The following SPDYE3 variants were observed in gnomAD, a reference collection of about 807,000 sequenced individuals.
SPDYE3 encodes the protein speedy protein E3.
A neutral mutation model predicts 55.0 loss-of-function variants in SPDYE3; 15 were observed. The observed-to-expected ratio is 0.27, with a 90% CI of 0.18 to 0.42. SPDYE3 has a LOEUF of 0.42. Among genes scored for constraint, SPDYE3 ranks in the 10% least tolerant of loss-of-function variants. SPDYE3 has a pLI of 1.00. For missense variants in SPDYE3, 236 were observed against 576.7 expected, an observed-to-expected ratio of 0.41 and a Z score of 6.05; for synonymous variants, 89 against 229.9, an observed-to-expected ratio of 0.39 and a Z score of 5.55.
In SPDYE3 at chr7:100,319,549, T is replaced by A. The variant is rs774250165; in HGVS notation, c.1347-16T>A. 1.3e-5 allele frequency: 21 copies of A among 1,614,034 alleles called. No individual in the cohort carries two copies. The African/African-American group carries it at 2.7e-4, about 21-fold the overall frequency. On this transcript the variant is annotated splice_polypyrimidine_tract_variant and intron_variant, in intron 8 of 10. Coordinates refer to ENST00000332397, the MANE Select transcript of SPDYE3 (RefSeq NM_001004351.5). ...CTGGTGGTGCCCCTGAGCAGCAACC[T>A]GATTTCTGTCCTCAGCTATCTGGCC...
intron 1 of SPDYE3, 79 bp downstream of exon 1, chr7:100,308,070 C>G: frequency 6.9e-7 from 1 of 1,453,742 alleles, no homozygotes; most frequent in Non-Finnish European, 9.1e-7. Context: ...TAGCTCACCC[C>G]TGTAACACCA....
intron 8 of SPDYE3, among the ~76,000 whole-genome samples, chr7:100,318,713 T>C (rs2129976946): frequency 8.5e-6 from 1 of 117,828 alleles, no homozygotes; most frequent in South Asian, 3.0e-4. Context: ...AAAATATCAA[T>C]GTATTCAATT....
At chr7:100,320,286 C>G in intron 10 of SPDYE3, 1 of 1,089,352 alleles carries the variant, frequency 9.2e-7, no homozygotes, top group South Asian at 1.7e-5. Flanking sequence ...CCACTGCACT[C>G]CAGCCGGGGC....
At chr7:100,315,900 G>T in intron 7 of SPDYE3, 57 bp downstream of exon 7, 2 of 1,596,668 alleles carry the variant, frequency 1.3e-6, no homozygotes, top group African/African-American at 1.3e-5. Flanking sequence ...CAGGGGGAGG[G>T]CGCAGCTTCC....
At chr7:100,320,697 G>C (rs1407720890) in intron 10 of SPDYE3, 194 bp from the exon 11 acceptor site, 3 of 1,078,716 alleles carry the variant, frequency 2.8e-6, no homozygotes, top group Non-Finnish European at 3.5e-6. Context: ...AAGTTTTGGA[G>C]TCAGGGTCAC....
chr7:100,308,059 G>A (rs1805866219), intron 1 of SPDYE3, 68 bp downstream of exon 1: 13 of 1,485,580 alleles, frequency 8.8e-6, no homozygotes, highest in Non-Finnish European at 1.2e-5. Flanking sequence ...GCCAGGTGCG[G>A]TAGCTCACCC....
intron 8 of SPDYE3, among the ~76,000 whole-genome samples, chr7:100,318,682 T>C (rs949960645): frequency 7.9e-5 from 12 of 151,528 alleles, no homozygotes; most frequent in African/African-American, 2.4e-4. Context: ...ACTAGATGCC[T>C]GTAGAAGGCA....
intron 8 of SPDYE3, among the ~76,000 whole-genome samples, chr7:100,318,863 G>C (rs1167005675): frequency 1.3e-5 from 2 of 151,082 alleles, no homozygotes; most frequent in African/African-American, 4.9e-5. Flanking sequence ...TCCGACTACA[G>C]GGCTGTGCCA....
chr7:100,320,880 C>T lies in SPDYE3; in HGVS notation c.*46-11C>T, dbSNP rs1789566370. ...CTCCTTGAGGTGTGACATTGTCTCTCTCACTTCCAGAACACCGGACCCAGG... is the reference window on the plus strand; with the variant it reads ...CTCCTTGAGGTGTGACATTGTCTCTTTCACTTCCAGAACACCGGACCCAGG... On this transcript the variant is annotated splice_polypyrimidine_tract_variant and intron_variant, in intron 10 of 10. Transcript: ENST00000332397. 5.7e-6 allele frequency: 7 copies of T among 1,221,734 alleles called. No individual in the cohort carries two copies. The Admixed American group carries it at 8.0e-5, about 14-fold the overall frequency. The allele number at this position is 1,221,734 out of a possible 1,614,324, so 75.7% of individuals were successfully genotyped here. A position where few individuals can be genotyped will look rare whatever the true frequency, so the allele number is the denominator to read the frequency against.
chr7:100,320,276 C>A, intron 10 of SPDYE3: 2 of 1,077,726 alleles, frequency 1.9e-6, no homozygotes, highest in South Asian at 3.3e-5. Flanking sequence ...CCTGATCCTG[C>A]CACTGCACTC....
At chr7:100,316,922 C>T (rs905498914) in intron 7 of SPDYE3, 148 bp from the exon 8 acceptor site, 14 of 1,064,626 alleles carry the variant, frequency 1.3e-5, no homozygotes, top group South Asian at 2.6e-5. Context: ...CCCTCCACCC[C>T]GCAATTTCCA....
Position 100,307,891 on chromosome 7 carries a change from G to C in SPDYE3, c.6G>C (p.Thr2=). The change falls in exon 1 of 11, where the codon ACG becomes ACC. Residue 2 remains threonine (T), a synonymous_variant. Transcript: ENST00000332397. ...GACAGATTTTGGGAAAGATCATGAC[G>C]AGCCATCAACCGCAGCCCCAGGAAG... M[T]SHQPQPQEEQ... The C allele has an allele frequency of 6.3e-7, 1 of 1,583,590 alleles. No individual in the cohort carries two copies. Among genetic ancestry groups the C allele is most frequent in the Non-Finnish European group, 8.5e-7 (1 of 1,173,236 alleles).
chr7:100,313,841 C>T (rs1220576628), intron 5 of SPDYE3, among the ~76,000 whole-genome samples: 4 of 21,962 alleles, frequency 1.8e-4, no homozygotes, highest in African/African-American at 8.1e-4. Flanking sequence ...GAGCCGAGAT[C>T]GTGCTACTGC....
intron 8 of SPDYE3, among the ~76,000 whole-genome samples, chr7:100,318,295 A>T (rs1237819405): frequency 2.6e-5 from 4 of 151,924 alleles, no homozygotes; most frequent in Admixed American, 2.6e-4. Flanking sequence ...AAGCACGACA[A>T]CCTCACTGCC....
At chr7:100,316,647 C>CTA (rs201193218) in intron 7 of SPDYE3, among the ~76,000 whole-genome samples, 2,675 of 152,264 alleles carry the variant, frequency 0.018, 37 homozygotes, top group Non-Finnish European at 0.025. Context: ...TGGTCTCTTG[C>CTA]AGAGTGAATG....
intron 8 of SPDYE3, among the ~76,000 whole-genome samples, chr7:100,318,201 C>T (rs756507336): frequency 2.6e-5 from 4 of 152,114 alleles, no homozygotes; most frequent in Non-Finnish European, 5.9e-5. Flanking sequence ...CACTTGAATC[C>T]ACTGTCAAAT....
At chr7:100,319,840 G>T in intron 9 of SPDYE3, 32 bp downstream of exon 9, 1 of 1,614,048 alleles carries the variant, frequency 6.2e-7, no homozygotes. Flanking sequence ...GGAGGATGTG[G>T]GGAGGAATCG....
chr7:100,310,020 C>T (rs1272593304), intron 2 of SPDYE3, among the ~76,000 whole-genome samples: 2 of 137,476 alleles, frequency 1.5e-5, no homozygotes, highest in Non-Finnish European at 3.2e-5. Context: ...AACTGGAATC[C>T]GGGAGATAGA....
intron 8 of SPDYE3, among the ~76,000 whole-genome samples, chr7:100,318,537 C>T (rs181988200): frequency 4.7e-4 from 71 of 152,282 alleles, no homozygotes; most frequent in African/African-American, 1.4e-3. Flanking sequence ...TCCTTGAAGT[C>T]GGTTCACCCC....
Sources: allele counts gnomAD v4.1 joint callset (sites outside exome capture counted in the v4.1 genomes callset), GRCh38; gene constraint gnomAD v4.1.1; transcripts MANE v1.5; gene names NCBI Gene and HGNC (gene_info 2026-07-23, HGNC 2026-07-21).